The following ZNF609 variants were observed in gnomAD, a reference collection of about 807,000 sequenced individuals.
ZNF609 encodes the protein zinc finger protein 609.
ZNF609 carries 11 observed loss-of-function variants against 109.5 expected under a neutral mutation model. The observed-to-expected ratio is 0.10, with a 90% CI of 0.06 to 0.17. The LOEUF is 0.17. Ranked by LOEUF, ZNF609 falls within the 10% of genes least tolerant of loss-of-function variation. ZNF609 has a pLI of 1.00. For missense variants in ZNF609, 1,559 were observed against 1,772.4 expected (o/e 0.88, Z 2.16); for synonymous variants, 646 against 662.0 (o/e 0.98, Z 0.37).
chr15:64,602,716 C>CTTTTTTTTTTTTTTTTTTTTT (rs10600561), intron 2 of ZNF609, among the ~76,000 whole-genome samples: 1 of 55,572 alleles, frequency 1.8e-5, no homozygotes, highest in Non-Finnish European at 3.2e-5. Context: ...TTTTTTCTTT[C>CTTTTTTTTTTTTTTTTTTTTT]TTTTTTTTTT....
chr15:64,471,733 G>A (rs1159336314), intron 1 of ZNF609, among the ~76,000 whole-genome samples: 3 of 151,852 alleles, frequency 2.0e-5, no homozygotes, highest in Admixed American at 2.0e-4. Context: ...ACAGGCATGC[G>A]GCACCACGCC....
intron 1 of ZNF609, among the ~76,000 whole-genome samples, chr15:64,494,487 C>G (rs1446461759): frequency 1.3e-5 from 2 of 152,124 alleles, no homozygotes; most frequent in African/African-American, 4.8e-5. Context: ...CTCAGAGTCA[C>G]AGAGTTACTT....
rs190748706 is a variant in ZNF609, at chr15:64,490,641, A to G, written c.-127-8652A>G. 1.1e-4 allele frequency among the ~76,000 whole-genome samples: 17 copies of G among 152,224 alleles called. No homozygotes were observed. In the East Asian group the frequency reaches 3.1e-3, roughly 28 times the overall value. ...TGCCTCTGCTTTTTGGCCTAGCTAT[A>G]CACAGGATTTAGTAAGGGTTTTCTA... On this transcript the variant is annotated intron_variant, in intron 1 of 9. Transcript: ENST00000326648.
rs145531900 is a variant in ZNF609, at chr15:64,622,947, A to G, written c.868A>G (p.Asn290Asp). 2.5e-5 allele frequency: 40 copies of G among 1,614,128 alleles called. No individual in the cohort carries two copies. Among genetic ancestry groups the G allele is most frequent in the African/African-American group, 4.0e-5 (3 of 74,952 alleles). The change falls in exon 3 of 10, where the codon AAC becomes GAC. Residue 290 changes from asparagine to aspartate, a missense_variant. By Grantham distance (23) the Asn-to-Asp change is conservative (BLOSUM62 1). Around this residue, in one of 4 missense-constraint regions of ZNF609, gnomAD observed 291 missense variants for 317.8 expected, o/e 0.92. Transcript: ENST00000326648. ...IMVRTRSVGV[N>D]TCDVALATEP... ...GGTTCGTACCCGATCAGTTGGGGTCAACACATGTGATGTGGCTCTGGCCAC... is the reference window on the plus strand; with the variant it reads ...GGTTCGTACCCGATCAGTTGGGGTCGACACATGTGATGTGGCTCTGGCCAC...
intron 2 of ZNF609, among the ~76,000 whole-genome samples, chr15:64,578,661 T>A (rs1895042967): frequency 6.6e-6 from 1 of 152,246 alleles, no homozygotes; most frequent in South Asian, 2.1e-4. Flanking sequence ...CATTGCACTC[T>A]AGCCTGGGCG....
chr15:64,607,813 T>A, intron 2 of ZNF609, among the ~76,000 whole-genome samples: 1 of 145,880 alleles, frequency 6.9e-6, no homozygotes. Flanking sequence ...CCTTAAATGT[T>A]TTCTTCTTTC....
At chr15:64,542,636 T>G (rs945669275) in intron 2 of ZNF609, among the ~76,000 whole-genome samples, 1 of 152,250 alleles carries the variant, frequency 6.6e-6, no homozygotes, top group African/African-American at 2.4e-5. Flanking sequence ...TGATGCTTAA[T>G]GCACCAACCA....
intron 2 of ZNF609, among the ~76,000 whole-genome samples, chr15:64,580,955 CTTTTTTTTTTTTT>C (rs57690590): frequency 1.4e-4 from 8 of 58,744 alleles, no homozygotes; most frequent in South Asian, 7.3e-4. Flanking sequence ...TCAATGTCTT[CTTTTTTTTTTTTT>C]TTTTTTTTTT....
chr15:64,555,990 CTTT>C (rs796942761), intron 2 of ZNF609, among the ~76,000 whole-genome samples: 2 of 140,118 alleles, frequency 1.4e-5, no homozygotes, highest in Non-Finnish European at 3.1e-5. Context: ...CAATAACTAC[CTTT>C]TTTTTTTTTT....
intron 1 of ZNF609, among the ~76,000 whole-genome samples, chr15:64,495,833 T>G (rs377388659): frequency 1.0e-3 from 155 of 152,036 alleles, no homozygotes; most frequent in African/African-American, 3.7e-3. Flanking sequence ...TTTTTTTTTT[T>G]TTTGAGACAC....
intron 3 of ZNF609, among the ~76,000 whole-genome samples, chr15:64,632,092 T>C (rs1157424758): frequency 6.6e-6 from 1 of 152,142 alleles, no homozygotes; most frequent in Non-Finnish European, 1.5e-5. Flanking sequence ...AGTGGCAAGA[T>C]CACTGGCTCA....
intron 3 of ZNF609, among the ~76,000 whole-genome samples, chr15:64,662,261 C>T (rs1687595248): frequency 6.6e-6 from 1 of 152,210 alleles, no homozygotes; most frequent in African/African-American, 2.4e-5. Flanking sequence ...TACCTTTTAT[C>T]ACCTTGTCTC....
intron 1 of ZNF609, among the ~76,000 whole-genome samples, chr15:64,467,688 T>C (rs1893035290): frequency 1.3e-5 from 2 of 152,046 alleles, no homozygotes; most frequent in South Asian, 4.1e-4. Context: ...CTACTAAAAA[T>C]ACAAAAATTA....
intron 2 of ZNF609, among the ~76,000 whole-genome samples, chr15:64,605,049 T>G (rs1441093478): frequency 6.6e-6 from 1 of 152,090 alleles, no homozygotes; most frequent in Non-Finnish European, 1.5e-5. Context: ...GCCAGGATGG[T>G]CTTGATCTCC....
At chr15:64,678,566 G>A in intron 6 of ZNF609, 84 bp downstream of exon 6, 1 of 1,507,372 alleles carries the variant, frequency 6.6e-7, no homozygotes, top group Non-Finnish European at 8.9e-7. Context: ...TTCTTGCTCA[G>A]CCCCAAGGCA....
chr15:64,581,360 A>G (rs1373671718), intron 2 of ZNF609, among the ~76,000 whole-genome samples: 1 of 152,056 alleles, frequency 6.6e-6, no homozygotes, highest in East Asian at 1.9e-4. Context: ...CAATCTAGAA[A>G]ACATACGGCT....
intron 2 of ZNF609, among the ~76,000 whole-genome samples, chr15:64,534,604 C>T (rs1469067290): frequency 3.9e-5 from 6 of 152,082 alleles, no homozygotes; most frequent in Non-Finnish European, 7.4e-5. Flanking sequence ...CATGAGCCAC[C>T]GCGCCTGGCC....
At chr15:64,541,155 C>T (rs1403277574) in intron 2 of ZNF609, among the ~76,000 whole-genome samples, 2 of 151,248 alleles carry the variant, frequency 1.3e-5, no homozygotes, top group Non-Finnish European at 2.9e-5. Context: ...TGGCCGGGCG[C>T]GGTGGCTCAC....
chr15:64,472,468 T>C (rs943648621), intron 1 of ZNF609, among the ~76,000 whole-genome samples: 1 of 152,192 alleles, frequency 6.6e-6, no homozygotes, highest in Non-Finnish European at 1.5e-5. Context: ...GTACAGCTAG[T>C]GTGGTCTTGG....
Sources: gnomAD v4.1 joint callset for allele counts (sites outside exome capture counted in the v4.1 genomes callset) on GRCh38, gnomAD v4.1.1 for gene constraint, gnomAD v4.1.1 regional missense constraint, MANE v1.5 for transcripts, NCBI Gene and HGNC (gene_info 2026-07-23, HGNC 2026-07-21) for gene names.